The following TRPC7 variants were observed in gnomAD, a reference collection of about 807,000 sequenced individuals.
The protein encoded by TRPC7 is short transient receptor potential channel 7.
TRPC7 carries 42 observed loss-of-function variants against 90.1 expected under a neutral mutation model. That is an observed-to-expected ratio of 0.47 (90% CI 0.36 to 0.60). The LOEUF is 0.60. Among genes scored for constraint, TRPC7 ranks in the 20% least tolerant of loss-of-function variants. TRPC7 has a pLI of 0.00. For synonymous variants in TRPC7, 451 were observed against 436.3 expected (o/e 1.03, Z -0.42); for missense variants, 955 against 1,112.3 (o/e 0.86, Z 2.01).
At chr5:136,314,857 T>C (rs188632327) in intron 3 of TRPC7, among the ~76,000 whole-genome samples, 1 of 152,338 alleles carries the variant, frequency 6.6e-6, no homozygotes, top group Admixed American at 6.5e-5. Context: ...TGGAATGCTT[T>C]AATTTTCATC....
At chr5:136,308,897 C>G (rs1334625104) in intron 3 of TRPC7, among the ~76,000 whole-genome samples, 6 of 152,194 alleles carry the variant, frequency 3.9e-5, no homozygotes, top group Non-Finnish European at 8.8e-5. Flanking sequence ...TGCTACCTGA[C>G]AAGTTCTATT....
intron 5 of TRPC7, among the ~76,000 whole-genome samples, chr5:136,254,595 C>T (rs559394562): frequency 1.3e-5 from 2 of 152,298 alleles, no homozygotes; most frequent in East Asian, 3.9e-4. Flanking sequence ...TATTACTGCT[C>T]ATGGACAATG....
chr5:136,339,649 T>G (rs1759780790), intron 2 of TRPC7, among the ~76,000 whole-genome samples: 1 of 152,114 alleles, frequency 6.6e-6, no homozygotes, highest in Non-Finnish European at 1.5e-5. Context: ...AGAAATGGAC[T>G]CAGTGCATGA....
chr5:136,237,554 C>T (rs924810116), intron 7 of TRPC7, among the ~76,000 whole-genome samples: 1 of 152,162 alleles, frequency 6.6e-6, no homozygotes. Context: ...ATGAAACAAT[C>T]GAGGTGCAAG....
At position 136,334,027 on chromosome 5, in the gene TRPC7, T is replaced by C. The variant is rs948256227; in HGVS notation, c.781-18248A>G. Among the ~76,000 whole-genome samples the C allele has an allele frequency of 2.6e-5, 4 of 152,182 alleles. No individual in the cohort carries two copies. In the East Asian group the frequency reaches 7.7e-4, roughly 29 times the overall value. On this transcript the variant is annotated intron_variant, in intron 2 of 11. Coordinates refer to ENST00000513104, the MANE Select transcript of TRPC7 (RefSeq NM_020389.3). ...TCTCTTGGCCAGGGTTGCTGTCTTCTCTGAAAATTTGATTTTTTTTTAAAA... is the reference window on the plus strand; with the variant it reads ...TCTCTTGGCCAGGGTTGCTGTCTTCCCTGAAAATTTGATTTTTTTTTAAAA...
chr5:136,321,055 G>C (rs1024925075), intron 2 of TRPC7, among the ~76,000 whole-genome samples: 4 of 152,090 alleles, frequency 2.6e-5, no homozygotes, highest in Admixed American at 2.0e-4. Flanking sequence ...CTGGAGCATG[G>C]TGGGCACTCA....
intron 5 of TRPC7, among the ~76,000 whole-genome samples, chr5:136,257,470 C>A (rs1561690528): frequency 1.3e-5 from 2 of 152,134 alleles, no homozygotes; most frequent in Admixed American, 6.5e-5. Flanking sequence ...CATGAGCCAC[C>A]ACTTCCGGCC....
intron 2 of TRPC7, among the ~76,000 whole-genome samples, chr5:136,353,654 G>T (rs1760270027): frequency 6.6e-6 from 1 of 152,146 alleles, no homozygotes; most frequent in South Asian, 2.1e-4. Context: ...AACTAATAAA[G>T]TTCTAAAGGA....
At chr5:136,349,446 A>T (rs1760121633) in intron 2 of TRPC7, among the ~76,000 whole-genome samples, 1 of 152,178 alleles carries the variant, frequency 6.6e-6, no homozygotes, top group East Asian at 1.9e-4. Flanking sequence ...GGGTGCTGAG[A>T]AACAGAGAGA....
chr5:136,308,290 G>A (rs1758712661), intron 3 of TRPC7, among the ~76,000 whole-genome samples: 1 of 152,246 alleles, frequency 6.6e-6, no homozygotes, highest in South Asian at 2.1e-4. Flanking sequence ...ATCCACGGAA[G>A]TGCTTAGAGG....
intron 2 of TRPC7, among the ~76,000 whole-genome samples, chr5:136,344,708 T>C (rs182629320): frequency 3.9e-5 from 6 of 152,316 alleles, no homozygotes; most frequent in Admixed American, 2.6e-4. Flanking sequence ...TATTCCTTCC[T>C]GAGTCTAAAA....
Position 136,315,798 on chromosome 5 carries a change from A to C in TRPC7, c.781-19T>G. ...AATCGTTCTAACAGAATAGAGAGAAATCAGCGGTATGTCACATGGAGGCCC... is the reference window on the plus strand; with the variant it reads ...AATCGTTCTAACAGAATAGAGAGAACTCAGCGGTATGTCACATGGAGGCCC... On this transcript the variant is annotated intron_variant, in intron 2 of 11. Transcript: ENST00000513104. 2.5e-6 allele frequency: 4 copies of C among 1,608,536 alleles called. No individual in the cohort carries two copies. The South Asian group carries it at 3.3e-5, about 13-fold the overall frequency.
intron 8 of TRPC7, among the ~76,000 whole-genome samples, 177 bp downstream of exon 8, chr5:136,231,177 C>T (rs536466871): frequency 6.6e-6 from 1 of 152,314 alleles, no homozygotes; most frequent in Admixed American, 6.5e-5. Context: ...TGCCATGGGG[C>T]AGACTGACTT....
intron 3 of TRPC7, among the ~76,000 whole-genome samples, chr5:136,314,779 C>G (rs992459379): frequency 8.5e-4 from 130 of 152,298 alleles, no homozygotes; most frequent in African/African-American, 3.0e-3. Flanking sequence ...AACATTAAAA[C>G]CCCTCAAAGA....
At chr5:136,236,577 C>T (rs148193394) in intron 7 of TRPC7, among the ~76,000 whole-genome samples, 81 of 152,198 alleles carry the variant, frequency 5.3e-4, no homozygotes, top group African/African-American at 1.8e-3. Flanking sequence ...GAATAGGCCA[C>T]GATTCACCCT....
intron 3 of TRPC7, among the ~76,000 whole-genome samples, chr5:136,275,671 T>C (rs768087508): frequency 1.6e-4 from 25 of 152,168 alleles, no homozygotes; most frequent in Non-Finnish European, 3.5e-4. Flanking sequence ...CCATTTTCTA[T>C]TGTGTGGCCA....
intron 2 of TRPC7, among the ~76,000 whole-genome samples, chr5:136,317,269 A>G (rs1329924849): frequency 2.6e-5 from 4 of 151,106 alleles, no homozygotes; most frequent in African/African-American, 9.7e-5. Context: ...TGGAAGAGCC[A>G]TGCTCTACAC....
intron 2 of TRPC7, among the ~76,000 whole-genome samples, chr5:136,324,812 T>A (rs1310533785): frequency 6.6e-6 from 1 of 152,238 alleles, no homozygotes; most frequent in South Asian, 2.1e-4. Flanking sequence ...GTTAAATGAA[T>A]TTCTCAGAGA....
chr5:136,340,761 G>A (rs187888522), intron 2 of TRPC7, among the ~76,000 whole-genome samples: 4 of 151,864 alleles, frequency 2.6e-5, no homozygotes, highest in Admixed American at 1.3e-4. Context: ...ATAGACAAAC[G>A]TCGATTTTTT....
Sources: allele counts gnomAD v4.1 joint callset (sites outside exome capture counted in the v4.1 genomes callset), GRCh38; gene constraint gnomAD v4.1.1; transcripts MANE v1.5; gene names NCBI Gene and HGNC (gene_info 2026-07-23, HGNC 2026-07-21).